The following PFKM variants were observed in gnomAD, a reference collection of about 807,000 sequenced individuals.
PFKM encodes the protein ATP-dependent 6-phosphofructokinase, muscle type.
Under a neutral mutation model 95.5 loss-of-function variants are expected in PFKM, and 58 were observed. The ratio of observed to expected loss-of-function variants is 0.61; its 90% CI spans 0.49 to 0.76. The LOEUF is 0.76. Among genes scored for constraint, PFKM ranks in the 30% least tolerant of loss-of-function variants. PFKM has a pLI of 0.00. For synonymous variants in PFKM, 336 were observed against 357.2 expected, an observed-to-expected ratio of 0.94 and a Z score of 0.67; for missense variants, 678 against 1,005.4, an observed-to-expected ratio of 0.67 and a Z score of 4.40.
intron 2 of PFKM, among the ~76,000 whole-genome samples, chr12:48,123,590 G>A (rs1358431469): frequency 6.6e-6 from 1 of 152,146 alleles, no homozygotes; most frequent in Admixed American, 6.6e-5. Flanking sequence ...TTGAAAAGAG[G>A]TAGAATTTCT....
intron 13 of PFKM, 128 bp from the exon 14 acceptor site, chr12:48,140,594 G>A (rs1007126807): frequency 1.6e-5 from 15 of 946,396 alleles, no homozygotes; most frequent in Admixed American, 1.8e-5. Context: ...TGTGTGTTGT[G>A]TTGTCTTAGG....
At chr12:48,119,454 G>GGTGGGAAGGT in intron 1 of PFKM, 48 bp downstream of exon 1, 1 of 978,312 alleles carries the variant, frequency 1.0e-6, no homozygotes, top group Non-Finnish European at 1.2e-6. Context: ...CTGGGAGTGA[G>GGTGGGAAGGT]GTGGGAAGGT....
chr12:48,144,363 G>A (rs1328575768), intron 20 of PFKM, among the ~76,000 whole-genome samples: 1 of 152,120 alleles, frequency 6.6e-6, no homozygotes, highest in African/African-American at 2.4e-5. Flanking sequence ...GAGATTATAT[G>A]GTCTATCCTT....
chr12:48,127,455 C>T (rs971438616), intron 2 of PFKM, among the ~76,000 whole-genome samples: 14 of 152,216 alleles, frequency 9.2e-5, no homozygotes, highest in African/African-American at 2.9e-4. Flanking sequence ...CAGTGGACCA[C>T]GCTTTTACCC....
chr12:48,129,243 T>TA (rs1949194001), intron 2 of PFKM, among the ~76,000 whole-genome samples: 2 of 96,178 alleles, frequency 2.1e-5, no homozygotes, highest in Non-Finnish European at 3.8e-5. Context: ...TTTTTTTTTT[T>TA]ACAGATGGAG....
At chr12:48,127,808 C>T (rs971570327) in intron 2 of PFKM, among the ~76,000 whole-genome samples, 4 of 152,164 alleles carry the variant, frequency 2.6e-5, no homozygotes, top group Admixed American at 2.0e-4. Context: ...GCCACAGACC[C>T]CTTTAAGAAT....
upstream of PFKM, chr12:48,105,509 C>T: frequency 1.9e-6 from 1 of 519,086 alleles, no homozygotes; most frequent in Non-Finnish European, 3.8e-6. Context: ...AGCGATATCA[C>T]ATCTCAGGGA....
exon 1 of PFKM, chr12:48,106,090 A>C: frequency 1.4e-6 from 1 of 702,600 alleles, no homozygotes; most frequent in South Asian, 1.5e-5. Flanking sequence ...AAAACCCGGG[A>C]ACCGCCGCGA....
chr12:48,128,598 A>G (rs1308569186), intron 2 of PFKM, among the ~76,000 whole-genome samples: 2 of 152,138 alleles, frequency 1.3e-5, no homozygotes, highest in African/African-American at 4.8e-5. Context: ...CCTTCAATTC[A>G]ATTTGGAGCT....
chr12:48,141,655 C>T, intron 15 of PFKM, 85 bp from the exon 16 acceptor site: 3 of 1,048,608 alleles, frequency 2.9e-6, no homozygotes, highest in African/African-American at 1.6e-5. Context: ...GTGCCTCTAA[C>T]TCTAGCTTTT....
At position 48,145,927 on chromosome 12, in the gene PFKM, T is replaced by C; in HGVS notation, c.*219T>C. The C allele has an allele frequency of 1.7e-6, 1 of 578,984 alleles. No homozygotes were observed. The allele number at this position is 578,984 out of a possible 1,614,324, so 35.9% of individuals were successfully genotyped here. A position where few individuals can be genotyped will look rare whatever the true frequency, so the allele number is the denominator to read the frequency against. ...ACATGACTTCTGCCCCAGCTTTATC[T>C]GTCACACAAGGCTGGGCACCTCTAG... On this transcript the variant is annotated 3_prime_UTR_variant, in exon 23 of 23. Coordinates refer to ENST00000359794, the MANE Select transcript of PFKM (RefSeq NM_000289.6). This position sits in a 1 kb window ranked among gnomAD's most constrained non-coding sequence, Gnocchi z 4.3.
upstream of PFKM, chr12:48,119,259 C>T (rs1367457390): frequency 1.0e-6 from 1 of 984,418 alleles, no homozygotes; most frequent in African/African-American, 1.7e-5. Flanking sequence ...TTGTCAGCAT[C>T]TGTTAGTGGA....
At chr12:48,130,817 G>A (rs1949394683) in intron 3 of PFKM, among the ~76,000 whole-genome samples, 1 of 152,198 alleles carries the variant, frequency 6.6e-6, no homozygotes, top group Non-Finnish European at 1.5e-5. Flanking sequence ...ATAACTTTCT[G>A]AGGTTCTCAA....
intron 3 of PFKM, among the ~76,000 whole-genome samples, chr12:48,113,311 G>A (rs368166896): frequency 6.6e-5 from 10 of 152,108 alleles, no homozygotes; most frequent in South Asian, 2.1e-4. Context: ...AGAAGGGGAC[G>A]GACTTACCCT....
At chr12:48,121,965 G>A (rs1948328953) in intron 1 of PFKM, among the ~76,000 whole-genome samples, 1 of 152,094 alleles carries the variant, frequency 6.6e-6, no homozygotes, top group Non-Finnish European at 1.5e-5. Flanking sequence ...TTTGAGAGAG[G>A]TGATCCCTAA....
At chr12:48,126,187 G>C (rs1948817415) in intron 2 of PFKM, among the ~76,000 whole-genome samples, 1 of 152,162 alleles carries the variant, frequency 6.6e-6, no homozygotes, top group African/African-American at 2.4e-5. Flanking sequence ...TGCCATGGAG[G>C]GTTATTTAGG....
At chr12:48,118,594 G>T, upstream of PFKM, 1 of 1,271,418 alleles carries the variant, frequency 7.9e-7, no homozygotes, top group African/African-American at 1.5e-5. Context: ...CTTGAGTAAT[G>T]GATGCACCTC....
intron 3 of PFKM, among the ~76,000 whole-genome samples, chr12:48,111,884 A>G (rs1018227489): frequency 6.6e-6 from 1 of 152,208 alleles, no homozygotes; most frequent in African/African-American, 2.4e-5. Flanking sequence ...AGCAGAAAGT[A>G]TATGCATCAG....
Position 48,122,747 on chromosome 12 carries a change from A to T in PFKM, c.-8-20A>T. Reference sequence around the variant, plus strand: ...CTTGATTCCTGCTGTGTCTTAACTGACCATTGTCTTAAATTCTAGAGTGGA... The same window carrying T: ...CTTGATTCCTGCTGTGTCTTAACTGTCCATTGTCTTAAATTCTAGAGTGGA... On this transcript the variant is annotated intron_variant, in intron 1 of 22. Transcript: ENST00000359794. 6.2e-7 allele frequency: 1 copy of T among 1,613,752 alleles called. No individual in the cohort carries two copies. The highest frequency in any genetic ancestry group is 8.5e-7 in the Non-Finnish European group (1 of 1,179,812).
Sources: allele counts gnomAD v4.1 joint callset (sites outside exome capture counted in the v4.1 genomes callset), GRCh38; gene constraint gnomAD v4.1.1; non-coding constraint Gnocchi (gnomAD v3.1); transcripts MANE v1.5; gene names NCBI Gene and HGNC (gene_info 2026-07-23, HGNC 2026-07-21).